RFT1: variants seen among roughly 807,000 people sequenced by gnomAD.
The protein encoded by RFT1 is RFT1 glycolipid translocator homolog.
A neutral mutation model predicts 62.2 loss-of-function variants in RFT1; 43 were observed. That is an observed-to-expected ratio of 0.69 (90% CI 0.54 to 0.89). The LOEUF is 0.89. RFT1 is among the 40% of genes least tolerant of loss of function. RFT1 has a pLI of 0.00. For synonymous variants in RFT1, 262 were observed against 264.6 expected (o/e 0.99, Z 0.10); for missense variants, 605 against 649.9 (o/e 0.93, Z 0.75).
At chr3:53,115,075 A>G (rs769023798) in intron 6 of RFT1, among the ~76,000 whole-genome samples, 67 of 151,690 alleles carry the variant, frequency 4.4e-4, no homozygotes, top group Non-Finnish European at 8.2e-4. Flanking sequence ...ACTTTCATCC[A>G]TCCTCCCCCT....
At chr3:53,129,555 CAG>C (rs1241001821) in intron 1 of RFT1, among the ~76,000 whole-genome samples, 4 of 152,028 alleles carry the variant, frequency 2.6e-5, no homozygotes, top group Non-Finnish European at 2.9e-5. Context: ...AAGAGTGAGA[CAG>C]AGAGATACTG....
At chr3:53,125,472 A>C (rs920428619) in intron 2 of RFT1, among the ~76,000 whole-genome samples, 47 of 151,660 alleles carry the variant, frequency 3.1e-4, no homozygotes, top group Non-Finnish European at 2.4e-4. Context: ...TCCCAATTAT[A>C]AAATCACTGA....
chr3:53,082,688 G>C, the RFT1 span, among the ~76,000 whole-genome samples: 1 of 152,018 alleles, frequency 6.6e-6, no homozygotes. Context: ...GATCTCACAG[G>C]TAACACCTGT....
At chr3:53,121,564 G>A (rs1701968196) in intron 5 of RFT1, 135 bp downstream of exon 5, 1 of 741,784 alleles carries the variant, frequency 1.3e-6, no homozygotes, top group Non-Finnish European at 2.4e-6. Context: ...CAGTGCTAAG[G>A]CCACCCTTCT....
At chr3:53,125,795 T>C (rs1179662869) in intron 2 of RFT1, 114 bp downstream of exon 2, 8 of 810,650 alleles carry the variant, frequency 9.9e-6, no homozygotes, top group Middle Eastern at 2.3e-4. Flanking sequence ...GACATTCTGC[T>C]TCTGATAAAG....
At chr3:53,116,038 TA>T (rs1701781013) in intron 6 of RFT1, among the ~76,000 whole-genome samples, 1 of 152,240 alleles carries the variant, frequency 6.6e-6, no homozygotes, top group Non-Finnish European at 1.5e-5. Context: ...TCAATGAATA[TA>T]AACGGAAGCC....
At position 53,125,960 on chromosome 3, in the gene RFT1, G is replaced by A; in HGVS notation, c.98C>T (p.Ala33Val). ...LFRLITFVLN[A>V]FILRFLSKEI... Reference sequence around the variant, plus strand: ...CTTTGACAGGAAGCGAAGAATAAATGCATTCAAGACAAAGGTGATCAACCG... The same window carrying A: ...CTTTGACAGGAAGCGAAGAATAAATACATTCAAGACAAAGGTGATCAACCG... The change falls in exon 2 of 13, where the codon GCA becomes GTA. Residue 33 changes from alanine (A) to valine (V), a missense_variant. Transcript: ENST00000296292. The A allele has an allele frequency of 6.2e-7, 1 of 1,613,828 alleles. No homozygotes were observed. Among genetic ancestry groups the A allele is most frequent in the Non-Finnish European group, 8.5e-7 (1 of 1,179,804 alleles).
intron 2 of RFT1, among the ~76,000 whole-genome samples, chr3:53,124,658 G>A (rs1022327772): frequency 6.6e-6 from 1 of 152,134 alleles, no homozygotes; most frequent in Non-Finnish European, 1.5e-5. Context: ...CTTCCTTCCT[G>A]CTTTTAAAAC....
downstream of RFT1, among the ~76,000 whole-genome samples, chr3:53,086,820 G>A (rs1700865168): frequency 6.6e-6 from 1 of 152,102 alleles, no homozygotes; most frequent in African/African-American, 2.4e-5. Context: ...TGAGTCCGTG[G>A]GTCAGCTCCC....
the RFT1 span, among the ~76,000 whole-genome samples, chr3:53,067,255 G>A: frequency 6.6e-6 from 1 of 152,180 alleles, no homozygotes; most frequent in South Asian, 2.1e-4. Flanking sequence ...AGGCTGAGGT[G>A]GGAGAATCAC....
At chr3:53,078,520 G>A in the RFT1 span, among the ~76,000 whole-genome samples, 1 of 152,178 alleles carries the variant, frequency 6.6e-6, no homozygotes, top group Non-Finnish European at 1.5e-5. Flanking sequence ...AGGTCGAGGT[G>A]GGAGGATCAA....
Position 53,125,977 on chromosome 3 carries a change from G to A in RFT1, c.81C>T (p.Ile27=), listed in dbSNP as rs781076485. The change falls in exon 2 of 13, where the codon ATC becomes ATT. Residue 27 remains isoleucine, a synonymous_variant. Transcript: ENST00000296292. ...GLLLQVLFRL[I]TFVLNAFILR... ...GAATAAATGCATTCAAGACAAAGGT[G>A]ATCAACCGAAACAACACCTATAGAA... 6.2e-7 allele frequency: 1 copy of A among 1,613,438 alleles called. No homozygotes were observed.
chr3:53,116,429 G>A (rs577277499), intron 6 of RFT1, among the ~76,000 whole-genome samples: 2 of 151,916 alleles, frequency 1.3e-5, no homozygotes, highest in Non-Finnish European at 2.9e-5. Context: ...GAGTAGCTGG[G>A]ATCACAGGCA....
At chr3:53,068,676 C>T in the RFT1 span, among the ~76,000 whole-genome samples, 1 of 152,226 alleles carries the variant, frequency 6.6e-6, no homozygotes, top group Non-Finnish European at 1.5e-5. Flanking sequence ...TAGAGTCAAC[C>T]TCTCCAGGTG....
intron 6 of RFT1, among the ~76,000 whole-genome samples, chr3:53,114,368 A>T (rs1309707416): frequency 2.6e-5 from 4 of 152,194 alleles, no homozygotes; most frequent in Non-Finnish European, 2.9e-5. Context: ...GTTCTTTGGG[A>T]GAATGAGATC....
At chr3:53,082,603 G>A in the RFT1 span, among the ~76,000 whole-genome samples, 1 of 152,328 alleles carries the variant, frequency 6.6e-6, no homozygotes. Flanking sequence ...GTGGCTCAGG[G>A]AAAATCGAGT....
At chr3:53,092,293 G>T in intron 12 of RFT1, 76 bp downstream of exon 12, 2 of 1,556,494 alleles carry the variant, frequency 1.3e-6, no homozygotes, top group East Asian at 2.4e-5. Context: ...GCAAAAACCT[G>T]GGAAGAGGAG....
downstream of RFT1, among the ~76,000 whole-genome samples, chr3:53,086,394 C>G (rs559207232): frequency 8.5e-5 from 13 of 152,156 alleles, no homozygotes; most frequent in Non-Finnish European, 1.5e-4. Context: ...TGGCTCACTG[C>G]AACCTCTGCC....
chr3:53,084,601 T>C (rs1459433329), downstream of RFT1, among the ~76,000 whole-genome samples: 1 of 152,228 alleles, frequency 6.6e-6, no homozygotes, highest in Non-Finnish European at 1.5e-5. Context: ...CTCCCGAGCC[T>C]GTTCCAAGGC....
Sources: gnomAD v4.1 joint callset for allele counts (sites outside exome capture counted in the v4.1 genomes callset) on GRCh38, gnomAD v4.1.1 for gene constraint, MANE v1.5 for transcripts, NCBI Gene and HGNC (gene_info 2026-07-23, HGNC 2026-07-21) for gene names.